The following RAB10 variants were observed in gnomAD, a reference collection of about 807,000 sequenced individuals.
RAB10 encodes ras-related protein Rab-10.
A neutral mutation model predicts 25.7 loss-of-function variants in RAB10; 5 were observed. That is an observed-to-expected ratio of 0.19 (90% CI 0.10 to 0.41). The LOEUF (loss-of-function observed/expected upper bound fraction) is 0.41, where lower values mean the gene tolerates loss of function less well. Ranked by LOEUF, RAB10 falls within the 10% of genes least tolerant of loss-of-function variation. RAB10 has a pLI of 1.00. For synonymous variants in RAB10, 89 were observed against 86.4 expected (o/e 1.03, Z -0.16); for missense variants, 103 against 245.8 (o/e 0.42, Z 3.89).
chr2:26,042,472 C>CA (rs1445495232), intron 1 of RAB10, among the ~76,000 whole-genome samples: 12 of 151,304 alleles, frequency 7.9e-5, no homozygotes, highest in South Asian at 2.1e-4. Context: ...CCCATCTCTA[C>CA]AAAAAAAAGC....
chr2:26,059,549 A>T (rs951244908), intron 1 of RAB10, among the ~76,000 whole-genome samples: 3 of 152,230 alleles, frequency 2.0e-5, no homozygotes, highest in African/African-American at 7.2e-5. Flanking sequence ...AAAAATTGTG[A>T]GTACTTTGGT....
At chr2:26,085,723 A>C (rs6723282) in intron 1 of RAB10, among the ~76,000 whole-genome samples, 1 of 152,052 alleles carries the variant, frequency 6.6e-6, no homozygotes, top group Non-Finnish European at 1.5e-5. Flanking sequence ...GAGACTGGGC[A>C]CAGTGGCTCA....
intron 5 of RAB10, among the ~76,000 whole-genome samples, chr2:26,133,747 C>G (rs1435010211): frequency 6.6e-6 from 1 of 151,934 alleles, no homozygotes. Flanking sequence ...GATCTTGACT[C>G]ACTGCAACCT....
At chr2:26,112,473 G>A (rs1667593720) in intron 3 of RAB10, among the ~76,000 whole-genome samples, 1 of 152,194 alleles carries the variant, frequency 6.6e-6, no homozygotes, top group Admixed American at 6.5e-5. Flanking sequence ...AGGAAATTGG[G>A]AGGTCAGTGA....
intron 1 of RAB10, among the ~76,000 whole-genome samples, chr2:26,061,819 C>A (rs1416234296): frequency 7.2e-6 from 1 of 139,620 alleles, no homozygotes; most frequent in Non-Finnish European, 1.5e-5. Context: ...TACAGTGCTA[C>A]GATTTCGGGT....
intron 1 of RAB10, among the ~76,000 whole-genome samples, chr2:26,094,139 T>C (rs1410175996): frequency 6.6e-6 from 1 of 152,148 alleles, no homozygotes; most frequent in Non-Finnish European, 1.5e-5. Context: ...TCCTCTTACC[T>C]TGGCCTGCCA....
Position 26,034,443 on chromosome 2 carries a change from C to T in RAB10, c.-166C>T, listed in dbSNP as rs1000198099. 2 of 893,290 alleles carry T rather than the reference C, an allele frequency of 2.2e-6. No homozygotes were observed. The highest frequency in any genetic ancestry group is 3.3e-6 in the Non-Finnish European group (2 of 603,702). The allele number at this position is 893,290 out of a possible 1,614,324, so 55.3% of individuals were successfully genotyped here. A position where few individuals can be genotyped will look rare whatever the true frequency, so the allele number is the denominator to read the frequency against. On this transcript the variant is annotated 5_prime_UTR_variant, in exon 1 of 6. Transcript: ENST00000264710. ...CGGAGGCACTGGACGCCGCCACTGT[C>T]GGGGCTTCCTCAAAGCTGTTCGTAG...
chr2:26,041,543 CAAA>C (rs1230627488), intron 1 of RAB10, among the ~76,000 whole-genome samples: 1 of 44,626 alleles, frequency 2.2e-5, no homozygotes, highest in African/African-American at 8.5e-5. Context: ...GACGCTGACT[CAAA>C]AAAAAAAAAA....
At chr2:26,044,144 G>T (rs546743951) in intron 1 of RAB10, among the ~76,000 whole-genome samples, 1 of 152,274 alleles carries the variant, frequency 6.6e-6, no homozygotes, top group East Asian at 1.9e-4. Context: ...CAAATTTAAT[G>T]TTATGTTTTA....
intron 1 of RAB10, among the ~76,000 whole-genome samples, chr2:26,061,092 C>CTTTTTTTTTTTTTTTTTTTTTTT (rs5829993): frequency 5.9e-4 from 49 of 83,640 alleles, no homozygotes; most frequent in South Asian, 1.1e-3. Context: ...TTATCTCTGT[C>CTTTTTTTTTTTTTTTTTTTTTTT]TTTTTTTTTT....
At chr2:26,069,959 G>A (rs564400689) in intron 1 of RAB10, among the ~76,000 whole-genome samples, 10 of 152,110 alleles carry the variant, frequency 6.6e-5, no homozygotes, top group African/African-American at 2.2e-4. Flanking sequence ...TGCCCTCCCC[G>A]GCTTCCCAAA....
chr2:26,057,149 T>A (rs1388079392), intron 1 of RAB10, among the ~76,000 whole-genome samples: 4 of 152,194 alleles, frequency 2.6e-5, no homozygotes, highest in African/African-American at 9.7e-5. Context: ...ATATCTAAGT[T>A]AACGTGTCCA....
chr2:26,084,991 A>G (rs985728942), intron 1 of RAB10, among the ~76,000 whole-genome samples: 2 of 152,162 alleles, frequency 1.3e-5, no homozygotes, highest in Non-Finnish European at 2.9e-5. Flanking sequence ...CCCAGTTACA[A>G]CTAGTCTCTT....
chr2:26,064,152 G>A (rs151024470), intron 1 of RAB10, among the ~76,000 whole-genome samples: 2 of 152,228 alleles, frequency 1.3e-5, no homozygotes, highest in East Asian at 3.9e-4. Flanking sequence ...GTAGGATATA[G>A]CCTGCCATAT....
chr2:26,127,861 G>A lies in RAB10; in HGVS notation c.429G>A (p.Glu143=), dbSNP rs1667935026. The change falls in exon 5 of 6, where the codon GAG becomes GAA. Residue 143 remains glutamate, a synonymous_variant. Transcript: ENST00000264710. ...PKGKGEQIAR[E]HGIRFFETSA... ...TGTTTCTGTTTTAGATTGCAAGGGA[G>A]CATGGTATTAGGTTTTTTGAGACTA... 1.2e-6 allele frequency: 2 copies of A among 1,601,302 alleles called. No homozygotes were observed. Among genetic ancestry groups the A allele is most frequent in the Non-Finnish European group, 1.7e-6 (2 of 1,168,384 alleles).
rs559713242 is a variant in RAB10 at position 26,088,637 on chromosome 2, C to T, written c.128-10025C>T. Among the ~76,000 whole-genome samples, 62 of 152,102 alleles carry T rather than the reference C, an allele frequency of 4.1e-4. 2 individuals are homozygous for T. In the South Asian group the frequency reaches 0.012, roughly 29 times the overall value. On this transcript the variant is annotated intron_variant, in intron 1 of 5. Coordinates refer to ENST00000264710, the MANE Select transcript of RAB10 (RefSeq NM_016131.5). ...GTCCCCCCACCAAGTTGGAGTCTTG[C>T]GAATCTTGCTCTGTCGCCCAGGCTG...
At chr2:26,091,185 C>T (rs1334953280) in intron 1 of RAB10, among the ~76,000 whole-genome samples, 4 of 152,074 alleles carry the variant, frequency 2.6e-5, no homozygotes, top group Non-Finnish European at 5.9e-5. Context: ...GAATTTAACT[C>T]AATTAAACAG....
upstream of RAB10, among the ~76,000 whole-genome samples, chr2:26,033,794 CGGGGGTCGGAGGG>C (rs1031276153): frequency 3.7e-5 from 4 of 108,902 alleles, no homozygotes; most frequent in South Asian, 3.3e-4. Flanking sequence ...AGGCGGGAGG[CGGGGGTCGGAGGG>C]GGGGCGCTGC....
intron 1 of RAB10, among the ~76,000 whole-genome samples, chr2:26,052,247 A>C (rs6546726): frequency 6.6e-6 from 1 of 151,482 alleles, no homozygotes; most frequent in Non-Finnish European, 1.5e-5. Flanking sequence ...GTAACTGATC[A>C]TGGTGGTTCA....
Sources: gnomAD v4.1 joint callset for allele counts (sites outside exome capture counted in the v4.1 genomes callset) on GRCh38, gnomAD v4.1.1 for gene constraint, MANE v1.5 for transcripts, NCBI Gene and HGNC (gene_info 2026-07-23, HGNC 2026-07-21) for gene names.